The following FARP1 variants were observed in gnomAD, a reference collection of about 807,000 sequenced individuals.
FARP1 encodes the protein FERM, ARH/RhoGEF and pleckstrin domain protein 1.
FARP1 carries 52 observed loss-of-function variants against 128.8 expected under a neutral mutation model. That is an observed-to-expected ratio of 0.40 (90% CI 0.32 to 0.51). The LOEUF is 0.51. FARP1 is among the 20% of genes least tolerant of loss of function. The pLI is 0.45. For missense variants in FARP1, 1,333 were observed against 1,367.9 expected (o/e 0.97, Z 0.40); for synonymous variants, 580 against 551.8 (o/e 1.05, Z -0.72).
At chr13:98,330,648 G>A (rs537339118) in intron 2 of FARP1, among the ~76,000 whole-genome samples, 3 of 152,000 alleles carry the variant, frequency 2.0e-5, no homozygotes, top group Admixed American at 6.5e-5. Flanking sequence ...CCAGCTACTC[G>A]AGAGGCTGAG....
intron 2 of FARP1, among the ~76,000 whole-genome samples, chr13:98,308,561 T>G (rs1886298200): frequency 6.6e-6 from 1 of 152,220 alleles, no homozygotes; most frequent in South Asian, 2.1e-4. Context: ...GACTAGAGTG[T>G]GCTGGATTTG....
intron 3 of FARP1, among the ~76,000 whole-genome samples, chr13:98,352,262 C>T (rs1566908921): frequency 1.3e-5 from 2 of 152,220 alleles, no homozygotes; most frequent in South Asian, 2.1e-4. Flanking sequence ...AACAATAGGG[C>T]GTCTGATGGG....
At chr13:98,374,308 C>T (rs1449169027) in intron 5 of FARP1, among the ~76,000 whole-genome samples, 9 of 152,170 alleles carry the variant, frequency 5.9e-5, no homozygotes, top group Non-Finnish European at 4.4e-5. Flanking sequence ...CCTGTAATCA[C>T]AGCTACTCTG....
chr13:98,385,794 A>G lies in FARP1; in HGVS notation c.739A>G (p.Thr247Ala), dbSNP rs1890072006. The G allele has an allele frequency of 6.2e-7, 1 of 1,614,072 alleles. No homozygotes were observed. The highest frequency in any genetic ancestry group is 1.3e-5 in the African/African-American group (1 of 74,944). The change falls in exon 8 of 27, where the codon ACG becomes GCG. Residue 247 changes from threonine (T) to alanine (A), a missense_variant. Physicochemically the swap from Thr to Ala is moderately conservative, Grantham distance 58. Coordinates refer to ENST00000319562, the MANE Select transcript of FARP1 (RefSeq NM_005766.4). ...GTKINLAVAN[T>A]GILVFQGFTK... ...GAAGATCAATCTGGCCGTTGCCAAC[A>G]CGGGAATTCTAGTGTTTCAGGTGAG...
intron 1 of FARP1, among the ~76,000 whole-genome samples, chr13:98,167,405 CTTTTT>C (rs11388623): frequency 7.7e-6 from 1 of 129,780 alleles, no homozygotes; most frequent in Non-Finnish European, 1.6e-5. Flanking sequence ...AACAGTTTTA[CTTTTT>C]TTTTTTTTTT....
intron 2 of FARP1, among the ~76,000 whole-genome samples, chr13:98,316,619 A>G (rs1886732145): frequency 6.6e-6 from 1 of 152,212 alleles, no homozygotes; most frequent in Non-Finnish European, 1.5e-5. Context: ...CTCCCAAGTC[A>G]TCTTCATCCT....
chr13:98,392,116 C>T (rs1890326471), intron 11 of FARP1, among the ~76,000 whole-genome samples: 1 of 151,884 alleles, frequency 6.6e-6, no homozygotes, highest in African/African-American at 2.4e-5. Context: ...TTTCCCTTCT[C>T]CCCTCCCCAG....
At chr13:98,227,281 A>G (rs1881851809) in intron 2 of FARP1, among the ~76,000 whole-genome samples, 2 of 152,076 alleles carry the variant, frequency 1.3e-5, no homozygotes. Context: ...ATTCCGGCAA[A>G]TGTCTGTTCT....
chr13:98,294,996 A>G (rs1207587087), intron 2 of FARP1, among the ~76,000 whole-genome samples: 2 of 150,688 alleles, frequency 1.3e-5, no homozygotes, highest in Non-Finnish European at 3.0e-5. Flanking sequence ...CAGCCTGGGC[A>G]ACAAGAGCAA....
intron 2 of FARP1, among the ~76,000 whole-genome samples, chr13:98,306,411 A>G (rs1461409680): frequency 6.6e-6 from 1 of 152,334 alleles, no homozygotes; most frequent in Admixed American, 6.5e-5. Context: ...AGGAAAGAAA[A>G]CAGTCGAAGA....
chr13:98,439,072 G>C, intron 20 of FARP1, 35 bp from the exon 21 acceptor site: 1 of 1,565,676 alleles, frequency 6.4e-7, no homozygotes, highest in Non-Finnish European at 8.8e-7. Context: ...CTGTCCAAAC[G>C]TGGTCTCACC....
At chr13:98,222,181 C>A (rs888699753) in intron 2 of FARP1, among the ~76,000 whole-genome samples, 10 of 152,148 alleles carry the variant, frequency 6.6e-5, no homozygotes, top group African/African-American at 2.4e-4. Context: ...GGACCAGATA[C>A]CCACAGTGGA....
At chr13:98,355,631 C>A (rs1454417643) in intron 3 of FARP1, among the ~76,000 whole-genome samples, 1 of 152,146 alleles carries the variant, frequency 6.6e-6, no homozygotes, top group Non-Finnish European at 1.5e-5. Context: ...CTTTGAGAAC[C>A]ACTTCCCTAA....
chr13:98,257,243 G>T (rs1442813115), intron 2 of FARP1, among the ~76,000 whole-genome samples: 1 of 152,046 alleles, frequency 6.6e-6, no homozygotes, highest in Admixed American at 6.6e-5. Context: ...AGTCTTGGCA[G>T]TGTCAATAAT....
At chr13:98,409,139 T>C (rs1480446971) in intron 13 of FARP1, among the ~76,000 whole-genome samples, 199 bp from the exon 14 acceptor site, 1 of 152,192 alleles carries the variant, frequency 6.6e-6, no homozygotes, top group African/African-American at 2.4e-5. Flanking sequence ...TGAGGCTCCA[T>C]TGAATCCTTC....
At chr13:98,186,416 C>T (rs1281980154) in intron 1 of FARP1, among the ~76,000 whole-genome samples, 3 of 152,138 alleles carry the variant, frequency 2.0e-5, no homozygotes, top group African/African-American at 7.2e-5. Flanking sequence ...CGCTCCAGAA[C>T]ATTTTCCATC....
Position 98,196,615 on chromosome 13 carries a change from A to G in FARP1, c.-23-16605A>G, listed in dbSNP as rs544361383. Among the ~76,000 whole-genome samples, 21 of 152,318 alleles carry G rather than the reference A, an allele frequency of 1.4e-4. 1 individual carries two copies. The highest frequency in any genetic ancestry group is 5.1e-4 in the African/African-American group (21 of 41,572). ...AAGTTAATTTTACAATACACTGAAA[A>G]TGTCAAAAGTTAGGATTAGAACCAG... On this transcript the variant is annotated intron_variant, in intron 1 of 26. Coordinates refer to ENST00000319562, the MANE Select transcript of FARP1 (RefSeq NM_005766.4).
chr13:98,239,811 CG>C (rs1882658747), intron 2 of FARP1, among the ~76,000 whole-genome samples: 1 of 152,004 alleles, frequency 6.6e-6, no homozygotes, highest in Non-Finnish European at 1.5e-5. Context: ...TGGCTCCAAG[CG>C]GGGAGCCCCA....
rs769453534 is a variant in FARP1, at chr13:98,395,386, G to A, written c.1324G>A (p.Gly442Arg). 1.4e-5 allele frequency: 23 copies of A among 1,611,628 alleles called. No homozygotes were observed. The highest frequency in any genetic ancestry group is 6.7e-5 in the East Asian group (3 of 44,854). Residue 442 changes from glycine (G) to arginine (R), a missense_variant, in exon 13 of 27, where the codon GGA becomes AGA. Transcript: ENST00000319562. Reference sequence around the variant, plus strand: ...CCCCGCGGGTAACAAGCAGGCGGACGGAGCCGCCTCGGCGCCCACGGAGGA... The same window carrying A: ...CCCCGCGGGTAACAAGCAGGCGGACAGAGCCGCCTCGGCGCCCACGGAGGA... ...RSPAGNKQADGAASAPTEEEE... is the reference protein window; with the variant it reads ...RSPAGNKQADRAASAPTEEEE...
Sources: allele counts gnomAD v4.1 joint callset (sites outside exome capture counted in the v4.1 genomes callset), GRCh38; gene constraint gnomAD v4.1.1; transcripts MANE v1.5; gene names NCBI Gene and HGNC (gene_info 2026-07-23, HGNC 2026-07-21).